Variants in DACH1 observed in about 807,000 individuals in gnomAD.
DACH1 encodes the protein dachshund homolog 1.
Under a neutral mutation model 54.2 loss-of-function variants are expected in DACH1, and 12 were observed. The observed-to-expected ratio is 0.22, with a 90% CI of 0.14 to 0.36. DACH1 has a LOEUF of 0.36. DACH1 is among the 10% of genes least tolerant of loss of function. The pLI, the probability that DACH1 is intolerant of heterozygous loss-of-function variation, is 1.00. For missense variants in DACH1, 805 were observed against 929.8 expected, an observed-to-expected ratio of 0.87 and a Z score of 1.75; for synonymous variants, 386 against 366.2, an observed-to-expected ratio of 1.05 and a Z score of -0.62.
intron 1 of DACH1, among the ~76,000 whole-genome samples, chr13:71,726,287 T>C (rs1007742237): frequency 6.6e-6 from 1 of 152,112 alleles, no homozygotes; most frequent in Non-Finnish European, 1.5e-5. Context: ...ACTAGTATCA[T>C]TACTGAGAGA....
chr13:71,762,702 G>A (rs2138012158), intron 1 of DACH1, among the ~76,000 whole-genome samples: 1 of 136,340 alleles, frequency 7.3e-6, no homozygotes, highest in South Asian at 2.5e-4. Flanking sequence ...AGGAGGCGGA[G>A]ATTGCAGTGA....
intron 3 of DACH1, among the ~76,000 whole-genome samples, chr13:71,607,985 C>T (rs1875003501): frequency 6.6e-6 from 1 of 151,692 alleles, no homozygotes; most frequent in Admixed American, 6.6e-5. Context: ...TCATGATACT[C>T]TGTAACAATT....
chr13:71,787,694 T>C (rs1023157826), intron 1 of DACH1, among the ~76,000 whole-genome samples: 5 of 152,168 alleles, frequency 3.3e-5, no homozygotes, highest in African/African-American at 1.2e-4. Context: ...CACCCCTTAC[T>C]AGGCACTGAA....
At chr13:71,730,955 C>A (rs1883713345) in intron 1 of DACH1, among the ~76,000 whole-genome samples, 1 of 151,780 alleles carries the variant, frequency 6.6e-6, no homozygotes, top group African/African-American at 2.4e-5. Context: ...TATCAGGAAC[C>A]TAAAATTATA....
At chr13:71,459,185 G>T (rs1242218106) in intron 10 of DACH1, among the ~76,000 whole-genome samples, 1 of 151,836 alleles carries the variant, frequency 6.6e-6, no homozygotes, top group East Asian at 1.9e-4. Flanking sequence ...CAGGATCTTG[G>T]TGTCTTTAAA....
chr13:71,825,418 G>T (rs9542752), intron 1 of DACH1, among the ~76,000 whole-genome samples: 105,857 of 151,948 alleles, frequency 0.7, 37,231 homozygotes, highest in East Asian at 0.88. Flanking sequence ...TTTATAATAT[G>T]TTTGTTCCCC....
chr13:71,541,922 C>T (rs992681001), intron 6 of DACH1, among the ~76,000 whole-genome samples: 7 of 144,876 alleles, frequency 4.8e-5, no homozygotes, highest in African/African-American at 1.6e-4. Flanking sequence ...TGATATTTGC[C>T]CAGTTTTTTT....
intron 3 of DACH1, among the ~76,000 whole-genome samples, chr13:71,598,611 A>G (rs563200453): frequency 3.3e-5 from 5 of 152,128 alleles, no homozygotes; most frequent in African/African-American, 7.2e-5. Context: ...TATATAAACC[A>G]CTCATGATTT....
At chr13:71,855,494 T>C (rs1260899865) in intron 1 of DACH1, among the ~76,000 whole-genome samples, 1 of 152,052 alleles carries the variant, frequency 6.6e-6, no homozygotes, top group Non-Finnish European at 1.5e-5. Flanking sequence ...GTTATCCATT[T>C]GCATTTATAT....
intron 10 of DACH1, among the ~76,000 whole-genome samples, chr13:71,450,850 A>T (rs542327393): frequency 6.6e-6 from 1 of 152,286 alleles, no homozygotes; most frequent in Non-Finnish European, 1.5e-5. Context: ...TCCAGAGGAA[A>T]GCCCTAACTT....
intron 1 of DACH1, among the ~76,000 whole-genome samples, chr13:71,857,570 C>T (rs946585618): frequency 6.6e-6 from 1 of 151,514 alleles, no homozygotes; most frequent in Admixed American, 6.6e-5. Context: ...TGAGCTAATG[C>T]TAATACATAT....
chr13:71,569,049 G>C (rs1030448847), intron 4 of DACH1, among the ~76,000 whole-genome samples: 1 of 152,096 alleles, frequency 6.6e-6, no homozygotes, highest in Admixed American at 6.6e-5. Context: ...GGCTTTAGCA[G>C]ACTCTCTCAT....
At chr13:71,801,165 A>T (rs1171791667) in intron 1 of DACH1, among the ~76,000 whole-genome samples, 6 of 152,146 alleles carry the variant, frequency 3.9e-5, no homozygotes, top group Non-Finnish European at 8.8e-5. Flanking sequence ...CCTTATGTGA[A>T]GCAAATTCAG....
At chr13:71,584,846 C>T (rs1032987781) in intron 3 of DACH1, among the ~76,000 whole-genome samples, 9 of 151,790 alleles carry the variant, frequency 5.9e-5, no homozygotes, top group Admixed American at 2.0e-4. Context: ...ACAACAGAAA[C>T]GATCAGACTA....
chr13:71,832,389 T>G (rs1017516152), intron 1 of DACH1, among the ~76,000 whole-genome samples: 4 of 152,010 alleles, frequency 2.6e-5, no homozygotes, highest in African/African-American at 9.6e-5. Flanking sequence ...AAGTAAGTAT[T>G]AGCTAAAATG....
chr13:71,500,513 G>A lies in DACH1; in HGVS notation c.1571-11365C>T, dbSNP rs570093588. On this transcript the variant is annotated intron_variant, in intron 6 of 10. Coordinates refer to ENST00000613252, the MANE Select transcript of DACH1 (RefSeq NM_080759.6). ...CTGATATTCAAAGTCTAATTTGCAC[G>A]TAACTTTTAGACTAAAATTATCATG... Among the ~76,000 whole-genome samples the A allele has an allele frequency of 1.6e-4, 24 of 152,172 alleles. No homozygotes were observed. The East Asian group carries it at 2.5e-3, about 16-fold the overall frequency.
At chr13:71,838,448 T>G (rs1888881717) in intron 1 of DACH1, among the ~76,000 whole-genome samples, 1 of 152,156 alleles carries the variant, frequency 6.6e-6, no homozygotes, top group Admixed American at 6.5e-5. Flanking sequence ...AACTCACCAA[T>G]TTGGTGAAGA....
At chr13:71,815,324 G>GC (rs1301908333) in intron 1 of DACH1, among the ~76,000 whole-genome samples, 2 of 151,140 alleles carry the variant, frequency 1.3e-5, no homozygotes, top group East Asian at 2.0e-4. Context: ...CTTAAAAAAG[G>GC]GGGTGGGCGG....
intron 1 of DACH1, among the ~76,000 whole-genome samples, chr13:71,800,617 G>A (rs1887253968): frequency 6.6e-6 from 1 of 152,010 alleles, no homozygotes; most frequent in African/African-American, 2.4e-5. Flanking sequence ...AAACTAAGAT[G>A]TTCTCTACAA....
Sources: gnomAD v4.1 joint callset for allele counts (sites outside exome capture counted in the v4.1 genomes callset) on GRCh38, gnomAD v4.1.1 for gene constraint, MANE v1.5 for transcripts, NCBI Gene and HGNC (gene_info 2026-07-23, HGNC 2026-07-21) for gene names.